Variants in ELOVL6 observed in about 807,000 individuals in gnomAD.
ELOVL6 encodes the protein very long chain fatty acid elongase 6.
A neutral mutation model predicts 31.7 loss-of-function variants in ELOVL6; 8 were observed. That is an observed-to-expected ratio of 0.25 (90% CI 0.15 to 0.45). ELOVL6 has a LOEUF of 0.45. Among genes scored for constraint, ELOVL6 ranks in the 20% least tolerant of loss-of-function variants. The pLI, the probability that ELOVL6 is intolerant of heterozygous loss-of-function variation, is 1.00. For synonymous variants in ELOVL6, 101 were observed against 117.7 expected, an observed-to-expected ratio of 0.86 and a Z score of 0.92; for missense variants, 126 against 326.4, an observed-to-expected ratio of 0.39 and a Z score of 4.73.
At chr4:110,105,681 C>A in intron 1 of ELOVL6, 53 bp from the exon 2 acceptor site, 1 of 1,543,966 alleles carries the variant, frequency 6.5e-7, no homozygotes, top group East Asian at 2.3e-5. Flanking sequence ...TAGGAAACAC[C>A]AAATTTTGTA....
chr4:110,152,030 T>C (rs1758292578), intron 1 of ELOVL6, among the ~76,000 whole-genome samples: 1 of 152,194 alleles, frequency 6.6e-6, no homozygotes, highest in African/African-American at 2.4e-5. Context: ...AAATCCTAGA[T>C]GTAAAATAAA....
At chr4:110,059,567 C>T (rs1425136345) in intron 3 of ELOVL6, 36 bp downstream of exon 3, 23 of 1,592,796 alleles carry the variant, frequency 1.4e-5, no homozygotes, top group Non-Finnish European at 1.9e-5. Flanking sequence ...TATGTTGCTA[C>T]AAAGAGAGGG....
chr4:110,134,430 A>G (rs1656070929), intron 1 of ELOVL6, among the ~76,000 whole-genome samples: 1 of 152,150 alleles, frequency 6.6e-6, no homozygotes, highest in Non-Finnish European at 1.5e-5. Flanking sequence ...ACATGGAAGA[A>G]TGTGATCAGT....
chr4:110,077,599 C>T (rs541624781), intron 2 of ELOVL6, among the ~76,000 whole-genome samples: 8 of 152,170 alleles, frequency 5.3e-5, no homozygotes, highest in Non-Finnish European at 7.4e-5. Flanking sequence ...ATGTCACCAT[C>T]GTCAAAGACC....
At chr4:110,187,221 T>C (rs1759475768) in intron 1 of ELOVL6, among the ~76,000 whole-genome samples, 1 of 151,766 alleles carries the variant, frequency 6.6e-6, no homozygotes, top group African/African-American at 2.4e-5. Flanking sequence ...AAAACAAATT[T>C]CTTCTGATTA....
intron 2 of ELOVL6, among the ~76,000 whole-genome samples, chr4:110,084,211 C>CATAACATATGATAT (rs1756077547): frequency 5.3e-5 from 3 of 56,944 alleles, no homozygotes; most frequent in Admixed American, 2.3e-4. Flanking sequence ...ATATATATAA[C>CATAACATATGATAT]ATATAACTTA....
At chr4:110,196,085 T>C (rs1433799516) in intron 1 of ELOVL6, among the ~76,000 whole-genome samples, 1 of 152,122 alleles carries the variant, frequency 6.6e-6, no homozygotes, top group African/African-American at 2.4e-5. Context: ...CGGGAAATGG[T>C]ACCTGAAGCA....
chr4:110,060,193 G>A (rs1257620264), intron 2 of ELOVL6, among the ~76,000 whole-genome samples: 6 of 152,154 alleles, frequency 3.9e-5, no homozygotes. Context: ...TACCTCTTTA[G>A]GCAAACTTTT....
intron 1 of ELOVL6, among the ~76,000 whole-genome samples, chr4:110,176,113 T>A (rs1241314399): frequency 1.3e-5 from 2 of 151,890 alleles, no homozygotes; most frequent in Non-Finnish European, 2.9e-5. Flanking sequence ...CTCAATAGTT[T>A]ACATTTAACA....
At chr4:110,065,148 G>T (rs996154242) in intron 2 of ELOVL6, among the ~76,000 whole-genome samples, 6 of 152,160 alleles carry the variant, frequency 3.9e-5, no homozygotes, top group Admixed American at 3.9e-4. Flanking sequence ...GAGCTGAAGG[G>T]TATGTATGTG....
chr4:110,058,698 G>A (rs1578444081), intron 3 of ELOVL6, among the ~76,000 whole-genome samples: 1 of 152,084 alleles, frequency 6.6e-6, no homozygotes, highest in Non-Finnish European at 1.5e-5. Context: ...AGTTAACTGC[G>A]GTTTTGCCAT....
chr4:110,150,750 TAC>T (rs879587059), intron 1 of ELOVL6, among the ~76,000 whole-genome samples: 44 of 152,262 alleles, frequency 2.9e-4, no homozygotes, highest in African/African-American at 9.9e-4. Context: ...AAAATAAAAA[TAC>T]AGTTTTAGGG....
chr4:110,160,775 A>G (rs1758608932), intron 1 of ELOVL6, among the ~76,000 whole-genome samples: 1 of 152,254 alleles, frequency 6.6e-6, no homozygotes, highest in Non-Finnish European at 1.5e-5. Flanking sequence ...TATATTCCAC[A>G]GTGAAGATAA....
At chr4:110,085,815 G>A (rs751008157) in intron 2 of ELOVL6, among the ~76,000 whole-genome samples, 2 of 152,118 alleles carry the variant, frequency 1.3e-5, no homozygotes, top group Non-Finnish European at 2.9e-5. Context: ...CCAGTTTCAA[G>A]TGAATTCTCC....
chr4:110,151,218 T>G (rs911705428), intron 1 of ELOVL6, among the ~76,000 whole-genome samples: 13 of 144,208 alleles, frequency 9.0e-5, no homozygotes, highest in African/African-American at 3.3e-4. Context: ...AGATTTCAGA[T>G]TTTTTTTTTT....
At chr4:110,192,839 T>C (rs558583238) in intron 1 of ELOVL6, among the ~76,000 whole-genome samples, 1 of 152,338 alleles carries the variant, frequency 6.6e-6, no homozygotes, top group South Asian at 2.1e-4. Flanking sequence ...TTGAATGTCA[T>C]GTTATGATCC....
In ELOVL6 at chr4:110,051,421, A is replaced by G; in HGVS notation, c.715T>C (p.Tyr239His). The G allele has an allele frequency of 1.2e-6, 2 of 1,614,242 alleles. No individual in the cohort carries two copies. Among genetic ancestry groups the G allele is most frequent in the Non-Finnish European group, 1.7e-6 (2 of 1,180,026 alleles). The change falls in exon 4 of 4, where the codon TAC becomes CAC. Residue 239 changes from tyrosine to histidine, a missense_variant. Coordinates refer to ENST00000302274, the MANE Select transcript of ELOVL6 (RefSeq NM_024090.3). This position sits in a 1 kb window ranked among gnomAD's most constrained non-coding sequence, Gnocchi z 4.8. ...CAGAAGAGCACAAGGTAGCTGAGGT[A>G]CATGAGTGAGGACCAGAAGATGTTC... ...FQNIFWSSLM[Y>H]LSYLVLFCHF...
chr4:110,149,659 G>A (rs751576252), intron 1 of ELOVL6, among the ~76,000 whole-genome samples: 27 of 152,272 alleles, frequency 1.8e-4, no homozygotes, highest in African/African-American at 5.5e-4. Context: ...TGGTGGGTAC[G>A]AAGTGTGTTG....
chr4:110,128,404 A>G (rs1757569576), intron 1 of ELOVL6, among the ~76,000 whole-genome samples: 1 of 152,208 alleles, frequency 6.6e-6, no homozygotes, highest in South Asian at 2.1e-4. Flanking sequence ...TTTTAAATGA[A>G]TGAAGTCACG....
Sources: gnomAD v4.1 joint callset for allele counts (sites outside exome capture counted in the v4.1 genomes callset) on GRCh38, gnomAD v4.1.1 for gene constraint, Gnocchi (gnomAD v3.1) non-coding constraint, MANE v1.5 for transcripts, NCBI Gene and HGNC (gene_info 2026-07-23, HGNC 2026-07-21) for gene names.